PRKCA: variants seen among roughly 807,000 people sequenced by gnomAD.
PRKCA encodes protein kinase C alpha.
PRKCA carries 27 observed loss-of-function variants against 87.0 expected under a neutral mutation model. The observed-to-expected ratio is 0.31, with a 90% confidence interval of 0.23 to 0.43. The LOEUF (loss-of-function observed/expected upper bound fraction) is 0.43, where lower values mean the gene tolerates loss of function less well. Ranked by LOEUF, PRKCA falls within the 20% of genes least tolerant of loss-of-function variation. The pLI is 1.00. For missense variants in PRKCA, 518 were observed against 852.3 expected (o/e 0.61, Z 4.88); for synonymous variants, 329 against 311.1 (o/e 1.06, Z -0.61).
intron 8 of PRKCA, among the ~76,000 whole-genome samples, chr17:66,698,966 C>T (rs551499609): frequency 2.9e-4 from 43 of 150,686 alleles, no homozygotes; most frequent in African/African-American, 8.3e-4. Context: ...GGTGACAGAG[C>T]GAGACTGTCT....
At chr17:66,744,525 T>A (rs1386028454) in intron 13 of PRKCA, among the ~76,000 whole-genome samples, 1 of 152,182 alleles carries the variant, frequency 6.6e-6, no homozygotes, top group Non-Finnish European at 1.5e-5. Context: ...GACAAATAGC[T>A]CCTTGTGTTC....
At chr17:66,704,333 G>C (rs1367992986) in intron 8 of PRKCA, among the ~76,000 whole-genome samples, 1 of 152,068 alleles carries the variant, frequency 6.6e-6, no homozygotes, top group Admixed American at 6.6e-5. Flanking sequence ...ATTTTAATTT[G>C]TATCTTTATT....
intron 2 of PRKCA, among the ~76,000 whole-genome samples, chr17:66,308,901 C>T (rs761005450): frequency 6.7e-5 from 10 of 149,482 alleles, no homozygotes; most frequent in East Asian, 2.0e-4. Flanking sequence ...TTTTTTTCCT[C>T]GGTTTTGTTT....
At chr17:66,705,234 T>C (rs1283556195) in intron 8 of PRKCA, among the ~76,000 whole-genome samples, 2 of 152,236 alleles carry the variant, frequency 1.3e-5, no homozygotes, top group Non-Finnish European at 2.9e-5. Flanking sequence ...CCTTCAGCTT[T>C]GTCTTAGAAG....
chr17:66,309,476 A>G (rs1904987815), intron 2 of PRKCA, among the ~76,000 whole-genome samples: 1 of 152,170 alleles, frequency 6.6e-6, no homozygotes, highest in African/African-American at 2.4e-5. Flanking sequence ...ATATAGGTAT[A>G]CAATCCTGAA....
At chr17:66,329,305 A>G (rs545808803) in intron 2 of PRKCA, among the ~76,000 whole-genome samples, 2 of 152,304 alleles carry the variant, frequency 1.3e-5, no homozygotes, top group Non-Finnish European at 2.9e-5. Context: ...GGGGAAGACC[A>G]TGTGGTTTTA....
rs1027228127 is a variant in PRKCA, at chr17:66,729,302, G to A, written c.919-3386G>A. ...ACGTGTAATCCCAGCTACTCAGGAG[G>A]CTGAGGCAGGAGAATCGCTTGAACC... On this transcript the variant is annotated intron_variant, in intron 8 of 16. Transcript: ENST00000413366. 5.3e-5 allele frequency among the ~76,000 whole-genome samples: 8 copies of A among 152,164 alleles called. 1 individual carries two copies. The highest frequency in any genetic ancestry group is 8.8e-5 in the Non-Finnish European group (6 of 68,038).
At chr17:66,688,866 C>A in intron 7 of PRKCA, 85 bp from the exon 8 acceptor site, 1 of 799,852 alleles carries the variant, frequency 1.3e-6, no homozygotes, top group Non-Finnish European at 2.1e-6. Flanking sequence ...CCGTAGGATG[C>A]GTTTCACAAA....
chr17:66,700,834 T>C (rs751615599), intron 8 of PRKCA, among the ~76,000 whole-genome samples: 1 of 152,144 alleles, frequency 6.6e-6, no homozygotes, highest in Non-Finnish European at 1.5e-5. Context: ...TGTTCCTGGA[T>C]TGGAAGAATT....
intron 2 of PRKCA, among the ~76,000 whole-genome samples, chr17:66,311,739 C>T (rs1332461622): frequency 1.3e-5 from 2 of 152,118 alleles, no homozygotes; most frequent in African/African-American, 2.4e-5. Flanking sequence ...TTGAGTGTTC[C>T]CATTTGGTGC....
chr17:66,776,519 A>G (rs935592670), intron 14 of PRKCA, among the ~76,000 whole-genome samples: 1 of 152,104 alleles, frequency 6.6e-6, no homozygotes, highest in Non-Finnish European at 1.5e-5. Flanking sequence ...CATCTTGGCC[A>G]GGCTGGTCCT....
chr17:66,404,742 C>CTTTTTT (rs773919783), intron 2 of PRKCA, among the ~76,000 whole-genome samples: 830 of 54,218 alleles, frequency 0.015, 184 homozygotes, highest in African/African-American at 0.06. Context: ...GATGGTAGGC[C>CTTTTTT]TTTTTTTTTT....
chr17:66,350,855 C>G (rs1454141599), intron 2 of PRKCA, among the ~76,000 whole-genome samples: 1 of 152,192 alleles, frequency 6.6e-6, no homozygotes, highest in Non-Finnish European at 1.5e-5. Context: ...CCCTAGCCTT[C>G]CATGAGCATT....
At chr17:66,421,059 G>A (rs1020883121) in intron 2 of PRKCA, among the ~76,000 whole-genome samples, 25 of 152,214 alleles carry the variant, frequency 1.6e-4, no homozygotes, top group African/African-American at 3.1e-4. Flanking sequence ...GAGTCCAAGC[G>A]TCATTGCACA....
chr17:66,656,216 T>C (rs551015823), intron 5 of PRKCA, among the ~76,000 whole-genome samples: 55 of 152,322 alleles, frequency 3.6e-4, no homozygotes, highest in African/African-American at 1.3e-3. Flanking sequence ...CATGGTGACA[T>C]AGTTTCTCTT....
At chr17:66,780,591 G>A (rs907888533) in intron 14 of PRKCA, among the ~76,000 whole-genome samples, 8 of 151,368 alleles carry the variant, frequency 5.3e-5, no homozygotes, top group Admixed American at 1.3e-4. Flanking sequence ...TGGGAGAATC[G>A]CTTGAACCTG....
At position 66,804,257 on chromosome 17, in the gene PRKCA, T is replaced by C; in HGVS notation, c.*220T>C. On this transcript the variant is annotated 3_prime_UTR_variant, in exon 17 of 17. Coordinates refer to ENST00000413366, the MANE Select transcript of PRKCA (RefSeq NM_002737.3). ...GTGGAAGATGGTACGTCATGCTCAG[T>C]GTCCAGTTTAATTCTGTAGAAGTTA... 1 of 561,076 alleles carries C rather than the reference T, an allele frequency of 1.8e-6. No individual in the cohort carries two copies. Among genetic ancestry groups the C allele is most frequent in the Non-Finnish European group, 2.9e-6 (1 of 348,816 alleles). 34.8% of individuals were successfully genotyped at this position (561,076 alleles called of 1,614,324 possible). A position where few individuals can be genotyped will look rare whatever the true frequency, so the allele number is the denominator to read the frequency against.
intron 2 of PRKCA, among the ~76,000 whole-genome samples, chr17:66,442,148 G>A (rs1913802310): frequency 6.6e-6 from 1 of 151,172 alleles, no homozygotes; most frequent in African/African-American, 2.4e-5. Flanking sequence ...TGTGACCTCT[G>A]CCTCCTGGAT....
In PRKCA at chr17:66,713,963, G is replaced by A. The variant is rs1418448199; in HGVS notation, c.919-18725G>A. Reference sequence around the variant, plus strand: ...GTCTCAGCTCTTACTAGGGGTATTCGTTTTGTGACTCACATTCCCCCAGGT... The same window carrying A: ...GTCTCAGCTCTTACTAGGGGTATTCATTTTGTGACTCACATTCCCCCAGGT... On this transcript the variant is annotated intron_variant, in intron 8 of 16. Transcript: ENST00000413366. Among the ~76,000 whole-genome samples, 7 of 152,116 alleles carry A rather than the reference G, an allele frequency of 4.6e-5. No individual in the cohort carries two copies. The South Asian group carries it at 1.0e-3, about 23-fold the overall frequency.
Sources: gnomAD v4.1 joint callset for allele counts (sites outside exome capture counted in the v4.1 genomes callset) on GRCh38, gnomAD v4.1.1 for gene constraint, MANE v1.5 for transcripts, NCBI Gene and HGNC (gene_info 2026-07-23, HGNC 2026-07-21) for gene names.